Variants in DNAJB4 observed in about 807,000 individuals in gnomAD.
DNAJB4 encodes the protein DnaJ heat shock protein family (Hsp40) member B4.
DNAJB4 carries 10 observed loss-of-function variants against 26.6 expected under a neutral mutation model. That is an observed-to-expected ratio of 0.38 (90% CI 0.23 to 0.64). The LOEUF (loss-of-function observed/expected upper bound fraction) is 0.64, where lower values mean the gene tolerates loss of function less well. Ranked by LOEUF, DNAJB4 falls within the 30% of genes least tolerant of loss-of-function variation. DNAJB4 has a pLI of 0.58. For missense variants in DNAJB4, 328 were observed against 408.2 expected (o/e 0.80, Z 1.69); for synonymous variants, 136 against 134.8 (o/e 1.01, Z -0.06).
intron 1 of DNAJB4, among the ~76,000 whole-genome samples, chr1:77,995,219 TAAATA>T (rs1378796468): frequency 1.3e-5 from 2 of 152,246 alleles, no homozygotes; most frequent in Non-Finnish European, 2.9e-5. Flanking sequence ...TTTACTAGGT[TAAATA>T]AAATACATTA....
chr1:77,980,337 ATATGTGTGTGTGTGTGTG>A (rs1659533696), intron 1 of DNAJB4: 2 of 136,938 alleles, frequency 1.5e-5, no homozygotes, highest in Admixed American at 7.6e-5. Context: ...ATATATATAT[ATATGTGTGTGTGTGTGTG>A]TGTGTGTGTG....
At chr1:78,012,721 A>G (rs1660522857) in intron 1 of DNAJB4, among the ~76,000 whole-genome samples, 1 of 152,100 alleles carries the variant, frequency 6.6e-6, no homozygotes. Context: ...AGGCAGGAGA[A>G]TTGTTTGAAC....
upstream of DNAJB4, among the ~76,000 whole-genome samples, chr1:78,004,111 G>A (rs1660259118): frequency 6.6e-6 from 1 of 152,144 alleles, no homozygotes; most frequent in South Asian, 2.1e-4. Context: ...TGTACTGTCT[G>A]TAACCTGATA....
chr1:78,013,018 CT>C, intron 1 of DNAJB4, 32 bp from the exon 2 acceptor site: 2 of 1,512,296 alleles, frequency 1.3e-6, no homozygotes, highest in South Asian at 2.7e-5. Context: ...GAGTTGCAAG[CT>C]TTTTTCTAAT....
rs1473100101 is a variant in DNAJB4, at chr1:78,017,108, A to G, written c.*861A>G. On this transcript the variant is annotated 3_prime_UTR_variant, in exon 3 of 3. Coordinates refer to ENST00000370763, the MANE Select transcript of DNAJB4 (RefSeq NM_007034.5). ...TTCTATAACTTACTAATAATATTCT[A>G]TATGTACTTTATGTAATTTCCCTAA... 1 of 151,992 alleles carries G rather than the reference A, an allele frequency of 6.6e-6. No homozygotes were observed. Among genetic ancestry groups the G allele is most frequent in the African/African-American group, 2.4e-5 (1 of 41,428 alleles). 9.4% of individuals were successfully genotyped at this position (151,992 alleles called of 1,614,324 possible).
At chr1:78,013,774 C>T (rs1660560897) in intron 2 of DNAJB4, among the ~76,000 whole-genome samples, 155 bp downstream of exon 2, 1 of 152,030 alleles carries the variant, frequency 6.6e-6, no homozygotes, top group African/African-American at 2.4e-5. Context: ...TATTATACCT[C>T]TTTTATGGAT....
chr1:77,988,049 A>C (rs1486191254), intron 1 of DNAJB4, among the ~76,000 whole-genome samples: 2 of 121,906 alleles, frequency 1.6e-5, no homozygotes, highest in South Asian at 3.1e-4. Context: ...CCCCCCAGAC[A>C]GTGTCTCACT....
upstream of DNAJB4, among the ~76,000 whole-genome samples, chr1:78,001,762 A>G (rs1660200407): frequency 6.6e-6 from 1 of 152,208 alleles, no homozygotes; most frequent in Non-Finnish European, 1.5e-5. Flanking sequence ...TCCTGAGCTC[A>G]AGTGATCCTA....
chr1:78,004,553 C>G (rs1287155694), upstream of DNAJB4: 1 of 152,196 alleles, frequency 6.6e-6, no homozygotes, highest in Non-Finnish European at 1.5e-5. Context: ...TAAAAAATCC[C>G]TAAAGTAGAA....
At chr1:77,994,789 A>G (rs142584401) in intron 1 of DNAJB4, among the ~76,000 whole-genome samples, 1 of 152,262 alleles carries the variant, frequency 6.6e-6, no homozygotes, top group Non-Finnish European at 1.5e-5. Flanking sequence ...ATACATTCCT[A>G]CTACCTTAAG....
chr1:77,988,669 TATC>T (rs1659858295), intron 1 of DNAJB4, among the ~76,000 whole-genome samples: 1 of 152,250 alleles, frequency 6.6e-6, no homozygotes, highest in South Asian at 2.1e-4. Flanking sequence ...GTAGTGCTAA[TATC>T]ATTTTCTCTG....
intron 1 of DNAJB4, among the ~76,000 whole-genome samples, chr1:78,011,198 A>G (rs769726058): frequency 6.6e-6 from 1 of 152,174 alleles, no homozygotes; most frequent in African/African-American, 2.4e-5. Context: ...AATATTACTT[A>G]GTGGAACCCT....
intron 1 of DNAJB4, among the ~76,000 whole-genome samples, chr1:78,008,898 A>G (rs187659678): frequency 3.9e-4 from 60 of 152,250 alleles, no homozygotes; most frequent in African/African-American, 1.4e-3. Flanking sequence ...GTGTTAAGAG[A>G]TTTAAAAGAA....
Position 78,016,815 on chromosome 1 carries a change from G to A in DNAJB4, c.*568G>A, listed in dbSNP as rs930811461. ...TAGCATTTCTTAATAACATCGTTGT[G>A]ATGTTCTTAAGGCAGATCTTTCTTC... On this transcript the variant is annotated 3_prime_UTR_variant, in exon 3 of 3. Transcript: ENST00000370763. 13 of 152,340 alleles carry A rather than the reference G, an allele frequency of 8.5e-5. No homozygotes were observed. Among genetic ancestry groups the A allele is most frequent in the African/African-American group, 3.1e-4 (13 of 41,564 alleles). The allele number at this position is 152,340 out of a possible 1,614,324, so 9.4% of individuals were successfully genotyped here. A position where few individuals can be genotyped will look rare whatever the true frequency, so the allele number is the denominator to read the frequency against.
rs1660647401 is a variant in DNAJB4, at chr1:78,016,538, A to C, written c.*291A>C. 3 of 376,404 alleles carry C rather than the reference A, an allele frequency of 8.0e-6. No homozygotes were observed. In the South Asian group the frequency reaches 9.9e-5, roughly 12 times the overall value. The allele number at this position is 376,404 out of a possible 1,614,324, so 23.3% of individuals were successfully genotyped here. On this transcript the variant is annotated 3_prime_UTR_variant, in exon 3 of 3. Transcript: ENST00000370763. ...TTGTGGAGTCAGTGGATATATTTCTAATGAAGTGCTAGACTATCCAATTAC... is the reference window on the plus strand; with the variant it reads ...TTGTGGAGTCAGTGGATATATTTCTCATGAAGTGCTAGACTATCCAATTAC...
At chr1:77,998,728 C>T (rs1343819835) in intron 1 of DNAJB4, among the ~76,000 whole-genome samples, 1 of 152,110 alleles carries the variant, frequency 6.6e-6, no homozygotes, top group East Asian at 1.9e-4. Flanking sequence ...GTCCTAGCTA[C>T]TCTGGGGGCT....
At chr1:78,000,234 G>C (rs541756622), upstream of DNAJB4, among the ~76,000 whole-genome samples, 2 of 152,276 alleles carry the variant, frequency 1.3e-5, no homozygotes. Context: ...AAGTTCATAT[G>C]AGATCATCAT....
intron 1 of DNAJB4, among the ~76,000 whole-genome samples, chr1:78,010,674 T>C (rs1005964654): frequency 6.6e-6 from 1 of 152,198 alleles, no homozygotes; most frequent in East Asian, 1.9e-4. Flanking sequence ...AGTAGATATA[T>C]ACCTTTTAAT....
chr1:77,987,355 T>C (rs11162403), intron 1 of DNAJB4, among the ~76,000 whole-genome samples: 136,902 of 152,254 alleles, frequency 0.9, 61,668 homozygotes, highest in Non-Finnish European at 0.93. Flanking sequence ...CCTTGAGCTC[T>C]TGGGCTCAAG....
Sources: gnomAD v4.1 joint callset for allele counts (sites outside exome capture counted in the v4.1 genomes callset) on GRCh38, gnomAD v4.1.1 for gene constraint, MANE v1.5 for transcripts, NCBI Gene and HGNC (gene_info 2026-07-23, HGNC 2026-07-21) for gene names.